CACNA1H: variants seen among roughly 807,000 people sequenced by gnomAD.
The protein encoded by CACNA1H is calcium voltage-gated channel subunit alpha1 H.
CACNA1H carries 149 observed loss-of-function variants against 192.5 expected under a neutral mutation model. The observed-to-expected ratio is 0.77, with a 90% CI of 0.68 to 0.89. The LOEUF is 0.89. Among genes scored for constraint, CACNA1H ranks in the 40% least tolerant of loss-of-function variants. The probability of loss-of-function intolerance (pLI) is 0.00; values close to 1 mark genes in which losing one functional copy is unlikely to be tolerated. For synonymous variants in CACNA1H, 2,202 were observed against 1,475.2 expected (o/e 1.49, Z -11.29); for missense variants, 4,257 against 3,423.5 (o/e 1.24, Z -6.08).
At chr16:1,183,180 C>G (rs1965643689) in intron 2 of CACNA1H, among the ~76,000 whole-genome samples, 1 of 152,244 alleles carries the variant, frequency 6.6e-6, no homozygotes, top group Non-Finnish European at 1.5e-5. Flanking sequence ...TACCCTCCAC[C>G]CCCGTGCGGC....
At position 1,160,373 on chromosome 16, in the gene CACNA1H, A is replaced by G. The variant is rs867476936; in HGVS notation, c.299+6337A>G. Among the ~76,000 whole-genome samples, 15 of 152,174 alleles carry G rather than the reference A, an allele frequency of 9.9e-5. No individual in the cohort carries two copies. The South Asian group carries it at 1.7e-3, about 17-fold the overall frequency. On this transcript the variant is annotated intron_variant, in intron 2 of 34. Coordinates refer to ENST00000348261, the MANE Select transcript of CACNA1H (RefSeq NM_021098.3). ...GCGACCACTCACCCTGGGCAGATAC[A>G]AGGGGTGAAGTCAGCCGGTCGCGCC...
At chr16:1,156,159 G>C (rs1012731299) in intron 2 of CACNA1H, among the ~76,000 whole-genome samples, 1 of 152,146 alleles carries the variant, frequency 6.6e-6, no homozygotes, top group Non-Finnish European at 1.5e-5. Context: ...CACCCTCCTC[G>C]CCGCCAGCAC....
chr16:1,198,118 A>C (rs1967214920), intron 5 of CACNA1H, among the ~76,000 whole-genome samples: 1 of 152,070 alleles, frequency 6.6e-6, no homozygotes, highest in African/African-American at 2.4e-5. Flanking sequence ...GAGGCAGCCC[A>C]CCACCTGAGG....
chr16:1,203,380 G>A (rs1044927139), intron 9 of CACNA1H, among the ~76,000 whole-genome samples: 4 of 152,208 alleles, frequency 2.6e-5, no homozygotes, highest in African/African-American at 9.7e-5. Flanking sequence ...TGGCTGCTGG[G>A]AAGTGGCTGC....
At chr16:1,219,845 G>T in intron 34 of CACNA1H, 136 bp from the exon 35 acceptor site, 3 of 556,878 alleles carry the variant, frequency 5.4e-6, no homozygotes, top group Non-Finnish European at 5.6e-6. Flanking sequence ...GCCCCATCTC[G>T]AGGGTCAGGA....
chr16:1,155,096 G>A lies in CACNA1H; in HGVS notation c.299+1060G>A, dbSNP rs548877303. ...ACTTCCCTACCTTGTGTGTTTAACT[G>A]TACAAATATTAAACACGAAAGAGGA... On this transcript the variant is annotated intron_variant, in intron 2 of 34. Coordinates refer to ENST00000348261, the MANE Select transcript of CACNA1H (RefSeq NM_021098.3). 3.3e-5 allele frequency among the ~76,000 whole-genome samples: 5 copies of A among 152,366 alleles called. No homozygotes were observed. The South Asian group carries it at 1.0e-3, about 32-fold the overall frequency.
At chr16:1,154,153 T>G (rs1596271980) in intron 2 of CACNA1H, 117 bp downstream of exon 2, 25 of 742,792 alleles carry the variant, frequency 3.4e-5, no homozygotes, top group South Asian at 5.9e-5. Flanking sequence ...GGACCTGGCG[T>G]GGGCCGGGCG....
At position 1,202,309 on chromosome 16, in the gene CACNA1H, G is replaced by A. The variant is rs1428939766; in HGVS notation, c.1859G>A (p.Gly620Glu). 1.9e-6 allele frequency: 3 copies of A among 1,584,718 alleles called. No individual in the cohort carries two copies. Among genetic ancestry groups the A allele is most frequent in the Non-Finnish European group, 2.6e-6 (3 of 1,167,818 alleles). ...TMNYPTILPS[G>E]VGSGKGSTSP... is the part of the protein sequence containing the mutation. ...AACTACCCCACGATCCTGCCCTCAG[G>A]GGTGGGCAGCGGCAAAGGCAGCACC... is the stretch of plus-strand genomic sequence containing the variant. The change falls in exon 9 of 35, where the codon GGG becomes GAG. Residue 620 changes from glycine to glutamate, a missense_variant. By Grantham distance (98) the Gly-to-Glu change is moderately conservative (BLOSUM62 -2). Coordinates refer to ENST00000348261, the MANE Select transcript of CACNA1H (RefSeq NM_021098.3).
At chr16:1,157,700 C>T (rs561303874) in intron 2 of CACNA1H, 2 of 152,454 alleles carry the variant, frequency 1.3e-5, no homozygotes, top group Admixed American at 6.5e-5. Context: ...TCCGGACATC[C>T]GAACTGGTCT....
At chr16:1,154,553 C>T (rs956423839) in intron 2 of CACNA1H, among the ~76,000 whole-genome samples, 3 of 152,104 alleles carry the variant, frequency 2.0e-5, no homozygotes, top group African/African-American at 7.2e-5. Context: ...TGAGCGCCGC[C>T]AGGGCCTTTT....
In CACNA1H at chr16:1,207,059, A is replaced by G. The variant is rs957785008; in HGVS notation, c.2848A>G (p.Thr950Ala). The G allele has an allele frequency of 2.5e-6, 4 of 1,602,736 alleles. No homozygotes were observed. Among genetic ancestry groups the G allele is most frequent in the Non-Finnish European group, 3.4e-6 (4 of 1,174,894 alleles). ...KFSLKTDTGD[T>A]VPDRKNFDSL... ...CAGCCTGAAGACAGACACCGGAGAC[A>G]CCGTGCCTGACAGGAAGAACTTCGA... The change falls in exon 13 of 35, where the codon ACC becomes GCC. Residue 950 changes from threonine (T) to alanine (A), a missense_variant. By Grantham distance (58) the Thr-to-Ala change is moderately conservative. Coordinates refer to ENST00000348261, the MANE Select transcript of CACNA1H (RefSeq NM_021098.3).
chr16:1,210,118 C>T lies in CACNA1H; in HGVS notation c.3828C>T (p.Leu1276=), dbSNP rs1315206677. The T allele has an allele frequency of 1.9e-6, 3 of 1,558,564 alleles. No homozygotes were observed. Among genetic ancestry groups the T allele is most frequent in the African/African-American group, 1.4e-5 (1 of 73,376 alleles). Residue 1276 remains leucine, a synonymous_variant, in exon 18 of 35, where the codon CTC becomes CTT. Coordinates refer to ENST00000348261, the MANE Select transcript of CACNA1H (RefSeq NM_021098.3). ...GCCGCGAGGCCTGGGCCCTCTACCT[C>T]TTCTCCCCACAGAACCGGTGAGGCG... ...CRSREAWALY[L]FSPQNRFRVS... is the part of the protein sequence containing the mutation.
intron 2 of CACNA1H, among the ~76,000 whole-genome samples, chr16:1,164,826 C>T (rs1225777568): frequency 3.3e-5 from 5 of 152,308 alleles, no homozygotes; most frequent in African/African-American, 1.2e-4. Flanking sequence ...TGGAGGGCGG[C>T]TGTCCACAGC....
intron 2 of CACNA1H, among the ~76,000 whole-genome samples, chr16:1,193,889 C>G (rs1966824787): frequency 6.6e-6 from 1 of 152,078 alleles, no homozygotes; most frequent in Non-Finnish European, 1.5e-5. Context: ...AGCCTGTTCC[C>G]CTCCTACCGT....
intron 28 of CACNA1H, 72 bp downstream of exon 28, chr16:1,215,153 G>A (rs902281048): frequency 2.5e-5 from 40 of 1,579,122 alleles, no homozygotes; most frequent in South Asian, 5.7e-5. Flanking sequence ...AGGTGAGGCC[G>A]CAGGCTTTCC....
chr16:1,209,207 A>C lies in CACNA1H; in HGVS notation c.3539A>C (p.Glu1180Ala). The change falls in exon 17 of 35, where the codon GAG (glutamate) becomes GCG (alanine). Residue 1180 changes from glutamate (E) to alanine (A), a missense_variant. Transcript: ENST00000348261. ...EGKGSTDDEA[E>A]DGRAAPGPRA... ...AAGGGCAGCACCGACGACGAAGCTG[A>C]GGACGGCAGGGCCGCGCCCGGGCCC... 1 of 1,550,244 alleles carries C rather than the reference A, an allele frequency of 6.5e-7. No individual in the cohort carries two copies. Among genetic ancestry groups the C allele is most frequent in the Non-Finnish European group, 8.7e-7 (1 of 1,148,378 alleles).
chr16:1,159,639 A>AG (rs138201285), intron 2 of CACNA1H: 2,717 of 151,128 alleles, frequency 0.018, 89 homozygotes, highest in African/African-American at 0.063. Flanking sequence ...CTCCTTAGGG[A>AG]GGGGAGGCCT....
At position 1,195,980 on chromosome 16, in the gene CACNA1H, C is replaced by G; in HGVS notation, c.600C>G (p.Thr200=). 1 of 1,613,088 alleles carries G rather than the reference C, an allele frequency of 6.2e-7. No individual in the cohort carries two copies. The highest frequency in any genetic ancestry group is 8.5e-7 in the Non-Finnish European group (1 of 1,179,828). The change falls in exon 5 of 35, where the codon ACC becomes ACG. Residue 200 remains threonine, a synonymous_variant. Transcript: ENST00000348261. Reference sequence around the variant, plus strand: ...ACGTGAGCCTCTCGGCTATCAGGACCGTGCGGGTGCTGCGGCCCCTCCGCG... The same window carrying G: ...ACGTGAGCCTCTCGGCTATCAGGACGGTGCGGGTGCTGCGGCCCCTCCGCG... The part of the protein sequence containing the change: ...GHNVSLSAIR[T]VRVLRPLRAI...
chr16:1,202,067 C>A lies in CACNA1H; in HGVS notation c.1617C>A (p.Pro539=), dbSNP rs914641626. ...TCAGCCATGGCAGCCCCCGCAGGCCCGGCCCCGAGCCAGGCGCCTGCGACA... is the reference window on the plus strand; with the variant it reads ...TCAGCCATGGCAGCCCCCGCAGGCCAGGCCCCGAGCCAGGCGCCTGCGACA... ...YHFSHGSPRR[P]GPEPGACDTR... Residue 539 remains proline (P), a synonymous_variant, in exon 9 of 35, where the codon CCC becomes CCA. Coordinates refer to ENST00000348261, the MANE Select transcript of CACNA1H (RefSeq NM_021098.3). 4 of 1,539,756 alleles carry A rather than the reference C, an allele frequency of 2.6e-6. No individual in the cohort carries two copies. The highest frequency in any genetic ancestry group is 2.6e-6 in the Non-Finnish European group (3 of 1,144,758).
Sources: gnomAD v4.1 joint callset for allele counts (sites outside exome capture counted in the v4.1 genomes callset) on GRCh38, gnomAD v4.1.1 for gene constraint, MANE v1.5 for transcripts, NCBI Gene and HGNC (gene_info 2026-07-23, HGNC 2026-07-21) for gene names.